Variants in TTC6 observed in about 807,000 individuals in gnomAD.
The protein encoded by TTC6 is tetratricopeptide repeat protein 6.
In TTC6, 172 loss-of-function variants were observed where a neutral mutation model predicts 210.4. The observed-to-expected ratio is 0.82, with a 90% CI of 0.72 to 0.93. The LOEUF is 0.93. Ranked by LOEUF, TTC6 falls within the 40% of genes least tolerant of loss-of-function variation. The pLI, the probability that TTC6 is intolerant of heterozygous loss-of-function variation, is 0.00. For missense variants in TTC6, 2,414 were observed against 2,318.1 expected, an observed-to-expected ratio of 1.04 and a Z score of -0.85; for synonymous variants, 804 against 819.6, an observed-to-expected ratio of 0.98 and a Z score of 0.32.
At chr14:37,841,640 T>C in exon 30 of TTC6, 1 of 1,605,538 alleles carries the variant, frequency 6.2e-7, no homozygotes. Flanking sequence ...CTTAAAGCAA[T>C]ATGAACTAGC....
chr14:37,608,626 C>A (rs993115110), intron 2 of TTC6, among the ~76,000 whole-genome samples: 2 of 152,128 alleles, frequency 1.3e-5, no homozygotes, highest in Admixed American at 6.6e-5. Flanking sequence ...TACACAAAAT[C>A]AAAATCTTTC....
At chr14:37,770,625 C>T (rs1448900277) in intron 14 of TTC6, among the ~76,000 whole-genome samples, 2 of 151,896 alleles carry the variant, frequency 1.3e-5, no homozygotes, top group Admixed American at 6.6e-5. Flanking sequence ...AGGATTGCAA[C>T]CCCTGCCTTT....
intron 26 of TTC6, among the ~76,000 whole-genome samples, chr14:37,818,350 C>T (rs183943425): frequency 6.6e-6 from 1 of 152,192 alleles, no homozygotes; most frequent in East Asian, 1.9e-4. Context: ...ATATATTTTA[C>T]ATCATAAAAT....
intron 1 of TTC6, among the ~76,000 whole-genome samples, chr14:37,632,428 C>G (rs2095671686): frequency 6.6e-6 from 1 of 152,198 alleles, no homozygotes; most frequent in African/African-American, 2.4e-5. Flanking sequence ...CTCAGTTTGC[C>G]TGGGTATCAC....
intron 20 of TTC6, among the ~76,000 whole-genome samples, chr14:37,797,648 G>A (rs951642667): frequency 1.3e-5 from 2 of 150,616 alleles, no homozygotes; most frequent in Non-Finnish European, 3.0e-5. Context: ...GTAGTAATAT[G>A]TCTATTTAAA....
intron 10 of TTC6, 87 bp downstream of exon 12, chr14:37,739,242 T>C: frequency 1.6e-6 from 2 of 1,287,988 alleles, no homozygotes; most frequent in East Asian, 5.1e-5. Context: ...GAAGTTATTA[T>C]TTTATTCTGC....
At chr14:37,824,490 T>C (rs1344035085) in intron 27 of TTC6, among the ~76,000 whole-genome samples, 3 of 152,168 alleles carry the variant, frequency 2.0e-5, no homozygotes, top group African/African-American at 7.2e-5. Context: ...CATCATTCAT[T>C]GCATTCAACA....
chr14:37,805,689 G>GT (rs956281385), intron 21 of TTC6, among the ~76,000 whole-genome samples: 1 of 151,876 alleles, frequency 6.6e-6, no homozygotes, highest in African/African-American at 2.4e-5. Context: ...GTTCTGAAGT[G>GT]TTTTTTTGTT....
At chr14:37,603,788 C>T (rs1216455793) in intron 1 of TTC6, among the ~76,000 whole-genome samples, 1 of 152,172 alleles carries the variant, frequency 6.6e-6, no homozygotes, top group African/African-American at 2.4e-5. Flanking sequence ...AGACAAACTC[C>T]ATTGGGGGCG....
At chr14:37,679,293 TG>T (rs1434993940) in intron 1 of TTC6, among the ~76,000 whole-genome samples, 4 of 152,210 alleles carry the variant, frequency 2.6e-5, no homozygotes, top group African/African-American at 9.6e-5. Flanking sequence ...AGCAAAATAA[TG>T]TGCCTGTTGA....
chr14:37,601,128 T>G (rs1204341646), intron 1 of TTC6, among the ~76,000 whole-genome samples: 2 of 152,298 alleles, frequency 1.3e-5, no homozygotes, highest in East Asian at 3.9e-4. Flanking sequence ...CACTGGACAC[T>G]ACCTGTGGTG....
At chr14:37,774,674 C>T (rs2096031563) in intron 14 of TTC6, among the ~76,000 whole-genome samples, 1 of 152,222 alleles carries the variant, frequency 6.6e-6, no homozygotes, top group East Asian at 1.9e-4. Flanking sequence ...CTGTGTTCAT[C>T]AAGGGTGTTG....
intron 6 of TTC6, among the ~76,000 whole-genome samples, chr14:37,721,916 G>GTA (rs200901025): frequency 0.017 from 2,160 of 130,640 alleles, 52 homozygotes; most frequent in Middle Eastern, 0.044. Context: ...ATGTATATAT[G>GTA]TATATATATA....
chr14:37,755,479 C>G (rs1325182514), intron 14 of TTC6, among the ~76,000 whole-genome samples: 1 of 152,138 alleles, frequency 6.6e-6, no homozygotes, highest in East Asian at 1.9e-4. Flanking sequence ...ATGGCATTGC[C>G]TAAGTTTTCT....
At chr14:37,813,975 T>C (rs2096135651) in intron 25 of TTC6, among the ~76,000 whole-genome samples, 1 of 152,244 alleles carries the variant, frequency 6.6e-6, no homozygotes, top group Non-Finnish European at 1.5e-5. Flanking sequence ...TGGACTACTG[T>C]AGTAGCTTTC....
At chr14:37,830,730 A>G (rs1031441629) in intron 29 of TTC6, among the ~76,000 whole-genome samples, 3 of 135,600 alleles carry the variant, frequency 2.2e-5, no homozygotes, top group Non-Finnish European at 4.9e-5. Flanking sequence ...TGCTTCCTTA[A>G]AAATTTTTTT....
intron 18 of TTC6, 117 bp downstream of exon 20, chr14:37,795,469 G>A (rs758223438): frequency 3.8e-5 from 21 of 558,668 alleles, no homozygotes; most frequent in Non-Finnish European, 6.0e-5. Context: ...TAATCTCCCA[G>A]CAATTGCCAT....
chr14:37,600,157 A>G (rs1292006634), intron 1 of TTC6, among the ~76,000 whole-genome samples: 3 of 152,224 alleles, frequency 2.0e-5, no homozygotes, highest in Non-Finnish European at 2.9e-5. Flanking sequence ...GGTATCCGTT[A>G]GAGCAGAAAG....
At chr14:37,727,581 C>G (rs960447868) in intron 7 of TTC6, among the ~76,000 whole-genome samples, 2 of 151,938 alleles carry the variant, frequency 1.3e-5, no homozygotes, top group Non-Finnish European at 2.9e-5. Context: ...GTGTGAGCCA[C>G]CACGCCCAGA....
Sources: allele counts gnomAD v4.1 joint callset (sites outside exome capture counted in the v4.1 genomes callset), GRCh38; gene constraint gnomAD v4.1.1; transcripts MANE v1.5; gene names NCBI Gene and HGNC (gene_info 2026-07-23, HGNC 2026-07-21).